Variants in CEP57L1 observed in about 807,000 individuals in gnomAD.
The protein encoded by CEP57L1 is centrosomal protein CEP57L1.
Under a neutral mutation model 61.0 loss-of-function variants are expected in CEP57L1, and 37 were observed. The ratio of observed to expected loss-of-function variants is 0.61; its 90% CI spans 0.47 to 0.80. The LOEUF (loss-of-function observed/expected upper bound fraction) is 0.80. Among genes scored for constraint, CEP57L1 ranks in the 30% least tolerant of loss-of-function variants. The pLI is 0.00. For synonymous variants in CEP57L1, 137 were observed against 162.3 expected (o/e 0.84, Z 1.19); for missense variants, 422 against 524.7 (o/e 0.80, Z 1.91).
intron 1 of CEP57L1, among the ~76,000 whole-genome samples, chr6:109,108,353 G>T (rs1454438387): frequency 6.6e-6 from 1 of 150,474 alleles, no homozygotes; most frequent in Non-Finnish European, 1.5e-5. Context: ...TGATTCTCCT[G>T]CCTCACCTGC....
intron 5 of CEP57L1, 87 bp from the exon 6 acceptor site, chr6:109,155,143 G>A: frequency 1.6e-6 from 1 of 608,562 alleles, no homozygotes; most frequent in East Asian, 3.1e-5. Flanking sequence ...TAAGAATCAA[G>A]ACCCCCTAGG....
At chr6:109,101,643 C>T (rs572863768) in intron 1 of CEP57L1, among the ~76,000 whole-genome samples, 2 of 140,306 alleles carry the variant, frequency 1.4e-5, no homozygotes, top group African/African-American at 5.5e-5. Context: ...TTTTTTGAGA[C>T]GGAGTCTCAC....
chr6:109,135,967 G>A (rs886064160), intron 1 of CEP57L1, among the ~76,000 whole-genome samples: 11 of 152,138 alleles, frequency 7.2e-5, no homozygotes, highest in African/African-American at 9.7e-5. Context: ...ACTGTTGGTG[G>A]GACTGTAAAC....
At chr6:109,095,167 G>A, upstream of CEP57L1, 2 of 985,530 alleles carry the variant, frequency 2.0e-6, no homozygotes, top group Non-Finnish European at 2.4e-6. Context: ...TGGGCCAAGC[G>A]CCCCCGGAGG....
intron 7 of CEP57L1, chr6:109,158,571 T>A: frequency 2.2e-6 from 1 of 452,622 alleles, no homozygotes; most frequent in Non-Finnish European, 4.4e-6. Flanking sequence ...TACAGGTTTT[T>A]ATGTGAACAT....
At chr6:109,097,394 T>G (rs183906293) in intron 1 of CEP57L1, among the ~76,000 whole-genome samples, 166 of 152,342 alleles carry the variant, frequency 1.1e-3, no homozygotes, top group Admixed American at 2.3e-3. Context: ...TTCAGTGGTG[T>G]CCTACTACTG....
intron 1 of CEP57L1, among the ~76,000 whole-genome samples, chr6:109,119,247 C>A (rs1200612523): frequency 6.6e-6 from 1 of 152,094 alleles, no homozygotes; most frequent in African/African-American, 2.4e-5. Context: ...AGTAACATGG[C>A]TGGATTTTAA....
At chr6:109,122,598 C>T (rs748818808) in intron 1 of CEP57L1, among the ~76,000 whole-genome samples, 1 of 151,946 alleles carries the variant, frequency 6.6e-6, no homozygotes, top group African/African-American at 2.4e-5. Context: ...GTCAGGGGTT[C>T]GAGACCAGCC....
chr6:109,101,152 A>G (rs989843278), intron 1 of CEP57L1, among the ~76,000 whole-genome samples: 1 of 152,158 alleles, frequency 6.6e-6, no homozygotes, highest in Non-Finnish European at 1.5e-5. Flanking sequence ...GCTGCAACAT[A>G]TCAATAGATG....
At chr6:109,109,772 G>T (rs963965382) in intron 1 of CEP57L1, among the ~76,000 whole-genome samples, 22 of 152,182 alleles carry the variant, frequency 1.4e-4, no homozygotes, top group Admixed American at 1.1e-3. Context: ...TCCCACTTAT[G>T]AGTGAGAACA....
At position 109,111,045 on chromosome 6, in the gene CEP57L1, T is replaced by A. The variant is rs143763912; in HGVS notation, c.-4+15470T>A. Among the ~76,000 whole-genome samples, 1,262 of 152,316 alleles carry A rather than the reference T, an allele frequency of 8.3e-3. 24 individuals are homozygous for A. Among genetic ancestry groups the A allele is most frequent in the African/African-American group, 0.029 (1,211 of 41,564 alleles). ...GTTCCATTTGAAATTTAAAGTAGTT[T>A]TTTCCAATTCCATGAAGAAAGTCAA... On this transcript the variant is annotated intron_variant, in intron 1 of 10. Transcript: ENST00000517392.
Position 109,150,174 on chromosome 6 carries a change from C to G in CEP57L1, c.397C>G (p.Leu133Val). The G allele has an allele frequency of 6.2e-7, 1 of 1,610,066 alleles. No individual in the cohort carries two copies. The highest frequency in any genetic ancestry group is 8.5e-7 in the Non-Finnish European group (1 of 1,176,720). Reference protein sequence around the residue: ...QSRCTLLEKQLEYTKRMVLNV... With the variant: ...QSRCTLLEKQVEYTKRMVLNV... ...TCGTTGTACTCTTCTAGAGAAGCAA[C>G]TAGAATATACAAAGAGAATGGTTCT... is the stretch of plus-strand genomic sequence containing the variant. The change falls in exon 4 of 11, where the codon CTA becomes GTA. Residue 133 changes from leucine (L) to valine (V), a missense_variant. Transcript: ENST00000517392.
intron 1 of CEP57L1, among the ~76,000 whole-genome samples, chr6:109,112,070 A>G (rs965985684): frequency 5.3e-5 from 8 of 151,852 alleles, no homozygotes; most frequent in East Asian, 1.9e-4. Flanking sequence ...CTCTTTTTCT[A>G]TTGTTTGGAA....
In CEP57L1 at chr6:109,150,259, G is replaced by A. The variant is rs1279081298; in HGVS notation, c.462+20G>A. The A allele has an allele frequency of 4.4e-6, 7 of 1,584,238 alleles. No homozygotes were observed. The highest frequency in any genetic ancestry group is 1.7e-4 in the Middle Eastern group (1 of 5,978). On this transcript the variant is annotated intron_variant, in intron 4 of 10. Transcript: ENST00000517392. ...CAACAGGTGAGCATATTTTCTATAAGGAATGATAATATAATTTTGTATGTT... is the reference window on the plus strand; with the variant it reads ...CAACAGGTGAGCATATTTTCTATAAAGAATGATAATATAATTTTGTATGTT...
chr6:109,149,889 T>C (rs1209343363), intron 3 of CEP57L1, among the ~76,000 whole-genome samples: 3 of 152,174 alleles, frequency 2.0e-5, no homozygotes, highest in Non-Finnish European at 4.4e-5. Context: ...CAATTGTGAA[T>C]GGGAGTTCAC....
chr6:109,158,849 G>A, intron 7 of CEP57L1, 176 bp from the exon 8 acceptor site: 1 of 629,454 alleles, frequency 1.6e-6, no homozygotes, highest in Non-Finnish European at 2.8e-6. Flanking sequence ...AATTAATGAT[G>A]TTGAATATCT....
chr6:109,144,004 G>A (rs994550535), intron 1 of CEP57L1, among the ~76,000 whole-genome samples: 1 of 152,126 alleles, frequency 6.6e-6, no homozygotes, highest in Non-Finnish European at 1.5e-5. Flanking sequence ...CAACAACTTA[G>A]ATAGATGCGG....
intron 1 of CEP57L1, among the ~76,000 whole-genome samples, chr6:109,122,820 AG>A (rs527828847): frequency 3.2e-4 from 48 of 152,240 alleles, no homozygotes; most frequent in Non-Finnish European, 6.0e-4. Flanking sequence ...AGAAAAAAAA[AG>A]ACTCATCAGA....
intron 4 of CEP57L1, among the ~76,000 whole-genome samples, chr6:109,153,231 C>CATT (rs1242025865): frequency 1.8e-4 from 14 of 79,018 alleles, no homozygotes; most frequent in African/African-American, 6.3e-4. Flanking sequence ...CTAATCTGCA[C>CATT]TTTTTTTTTT....
Sources: allele counts gnomAD v4.1 joint callset (sites outside exome capture counted in the v4.1 genomes callset), GRCh38; gene constraint gnomAD v4.1.1; transcripts MANE v1.5; gene names NCBI Gene and HGNC (gene_info 2026-07-23, HGNC 2026-07-21).